ANKS3: variants seen among roughly 807,000 people sequenced by gnomAD.
The protein encoded by ANKS3 is ankyrin repeat and SAM domain-containing protein 3.
In ANKS3, 62 loss-of-function variants were observed where a neutral mutation model predicts 80.7. The observed-to-expected ratio is 0.77, with a 90% confidence interval of 0.63 to 0.95. ANKS3 has a LOEUF of 0.95. ANKS3 is among the 40% of genes least tolerant of loss of function. The pLI is 0.00. For missense variants in ANKS3, 1,150 were observed against 883.6 expected (o/e 1.30, Z -3.82); for synonymous variants, 489 against 355.3 (o/e 1.38, Z -4.23).
Position 4,724,809 on chromosome 16 carries a change from G to A in ANKS3, c.514C>T (p.Pro172Ser). 1 of 1,614,090 alleles carries A rather than the reference G, an allele frequency of 6.2e-7. No homozygotes were observed. Among genetic ancestry groups the A allele is most frequent in the South Asian group, 1.1e-5 (1 of 91,054 alleles). The change falls in exon 6 of 18, where the codon CCC becomes TCC. Residue 172 changes from proline to serine, a missense_variant. Coordinates refer to ENST00000304283, the MANE Select transcript of ANKS3 (RefSeq NM_133450.4). ...CCAGCAGCAGCTGCTTCCATCAAGG[G>A]AGTAAATCCACATATCGGCTCCCTG... ...NVREPICGFT[P>S]LMEAAAAGHE... is the part of the protein sequence containing the mutation.
intron 14 of ANKS3, 38 bp from the exon 15 acceptor site, chr16:4,698,100 G>A (rs2079677790): frequency 1.3e-6 from 2 of 1,558,174 alleles, no homozygotes; most frequent in Non-Finnish European, 1.7e-6. Context: ...GAGAGCAGAG[G>A]CCTGGCCGCT....
intron 7 of ANKS3, among the ~76,000 whole-genome samples, chr16:4,708,789 T>C (rs1438907922): frequency 1.3e-5 from 2 of 150,934 alleles, no homozygotes; most frequent in Non-Finnish European, 3.0e-5. Flanking sequence ...AAAAAAAAAA[T>C]TAGCCAGGTG....
intron 10 of ANKS3, 109 bp downstream of exon 10, chr16:4,701,325 C>T (rs1172273682): frequency 1.2e-5 from 15 of 1,302,672 alleles, no homozygotes; most frequent in Middle Eastern, 2.7e-4. Flanking sequence ...GCAGCACACA[C>T]GTGCAGCAGC....
intron 7 of ANKS3, among the ~76,000 whole-genome samples, chr16:4,709,215 T>C (rs2080359935): frequency 6.6e-6 from 1 of 152,008 alleles, no homozygotes; most frequent in South Asian, 2.1e-4. Context: ...GAGACCACCC[T>C]GACCAACATG....
At chr16:4,698,729 C>T (rs1157840095) in intron 13 of ANKS3, 71 bp downstream of exon 13, 13 of 1,552,616 alleles carry the variant, frequency 8.4e-6, no homozygotes, top group Non-Finnish European at 1.1e-5. Flanking sequence ...ACAGCACCCA[C>T]CTTTTCTGTC....
intron 6 of ANKS3, among the ~76,000 whole-genome samples, chr16:4,717,967 G>A (rs1161433247): frequency 6.6e-6 from 1 of 152,054 alleles, no homozygotes; most frequent in East Asian, 1.9e-4. Context: ...CGCTAATGGG[G>A]TTTCACCATG....
chr16:4,707,340 G>A (rs1204537038), intron 7 of ANKS3, among the ~76,000 whole-genome samples: 1 of 148,406 alleles, frequency 6.7e-6, no homozygotes, highest in East Asian at 2.0e-4. Context: ...GGAGTGCAGT[G>A]GCACAATCTC....
intron 7 of ANKS3, among the ~76,000 whole-genome samples, chr16:4,705,550 C>G (rs1391137682): frequency 6.6e-6 from 1 of 152,206 alleles, no homozygotes; most frequent in Non-Finnish European, 1.5e-5. Context: ...CTGCAACCTC[C>G]GCCTCCTGGG....
rs1354102118 is a variant in ANKS3, at chr16:4,698,363, G to A, written c.1724+64C>T. ...CAAAATCAGGAGGAAAGGATGTGTG[G>A]GGGCCCAGGGGCCAGGTGGCTGACC... On this transcript the variant is annotated intron_variant, in intron 14 of 17. Coordinates refer to ENST00000304283, the MANE Select transcript of ANKS3 (RefSeq NM_133450.4). 15 of 1,432,228 alleles carry A rather than the reference G, an allele frequency of 1.0e-5. No individual in the cohort carries two copies. In the Admixed American group the frequency reaches 3.7e-4, roughly 36 times the overall value. 88.7% of individuals were successfully genotyped at this position (1,432,228 alleles called of 1,614,324 possible).
chr16:4,729,824 A>C (rs922713820), intron 3 of ANKS3, 156 bp downstream of exon 3: 1 of 715,916 alleles, frequency 1.4e-6, no homozygotes, highest in Non-Finnish European at 2.0e-6. Context: ...GTCAGGGCTC[A>C]GCATCAATAC....
Position 4,698,872 on chromosome 16 carries a change from C to A in ANKS3, c.1479G>T (p.Gly493=), listed in dbSNP as rs2079740032. 1.2e-6 allele frequency: 2 copies of A among 1,601,654 alleles called. No individual in the cohort carries two copies. The highest frequency in any genetic ancestry group is 4.5e-5 in the East Asian group (2 of 44,794). The change falls in exon 13 of 18, where the codon GGG becomes GGT. Residue 493 remains glycine (G), a synonymous_variant. Transcript: ENST00000304283. Reference sequence around the variant, plus strand: ...CGGCGTAGGCCAGCTCCAGGGCATCCCCGGGTGGGCGGGCACTGCTGTGCC... The same window carrying A: ...CGGCGTAGGCCAGCTCCAGGGCATCACCGGGTGGGCGGGCACTGCTGTGCC... The part of the protein sequence containing the change: ...ARWHSSARPP[G]DALELAYADR...
chr16:4,732,342 C>T (rs887692370), intron 1 of ANKS3, among the ~76,000 whole-genome samples: 1 of 152,134 alleles, frequency 6.6e-6, no homozygotes, highest in Non-Finnish European at 1.5e-5. Flanking sequence ...CTGGGCATGT[C>T]TCTTCCACGC....
At position 4,701,091 on chromosome 16, in the gene ANKS3, T is replaced by G; in HGVS notation, c.1163A>C (p.Lys388Thr). ...AGGATTCTTGGTCTTCATGTAACTT[T>G]TAGCTTGTTTGCGAGCTGAGCTTTT... Reference protein sequence around the residue: ...ACKSSARKQAKSYMKTKNPDS... With the variant: ...ACKSSARKQATSYMKTKNPDS... The change falls in exon 11 of 18, where the codon AAA becomes ACA. Residue 388 changes from lysine (K) to threonine (T), a missense_variant. Transcript: ENST00000304283. 6.2e-7 allele frequency: 1 copy of G among 1,614,040 alleles called. No individual in the cohort carries two copies. Among genetic ancestry groups the G allele is most frequent in the Non-Finnish European group, 8.5e-7 (1 of 1,180,022 alleles).
At chr16:4,709,903 C>T (rs563492565) in intron 7 of ANKS3, among the ~76,000 whole-genome samples, 23 of 151,288 alleles carry the variant, frequency 1.5e-4, no homozygotes, top group Non-Finnish European at 2.5e-4. Flanking sequence ...GCCAGCTACT[C>T]GGGAGGCTGA....
Position 4,697,978 on chromosome 16 carries a change from A to G in ANKS3, c.1809T>C (p.Ala603=), listed in dbSNP as rs1213223935. 1.3e-6 allele frequency: 2 copies of G among 1,589,018 alleles called. No homozygotes were observed. The highest frequency in any genetic ancestry group is 3.5e-5 in the Admixed American group (2 of 57,182). Residue 603 remains alanine (A), a splice_region_variant and synonymous_variant, in exon 15 of 18, where the codon GCT becomes GCC. Transcript: ENST00000304283. The part of the protein sequence containing the change: ...AATLGLAVPP[A]DSKGWQASLQ... ...GCGGAGTCAGGCCACTGCTCTTACC[A>G]GCTGGGGGGACGGCTAGGCCCAGAG... is the stretch of plus-strand genomic sequence containing the variant.
At chr16:4,699,026 G>C (rs373370187) in intron 12 of ANKS3, 26 bp downstream of exon 12, 1 of 1,614,172 alleles carries the variant, frequency 6.2e-7, no homozygotes, top group Non-Finnish European at 8.5e-7. Flanking sequence ...CCGGGCTGAG[G>C]GCCAGAGCGG....
chr16:4,722,797 A>G (rs2081170196), intron 6 of ANKS3, among the ~76,000 whole-genome samples: 1 of 151,236 alleles, frequency 6.6e-6, no homozygotes, highest in Non-Finnish European at 1.5e-5. Flanking sequence ...GGGTGCCTGC[A>G]GTCCCAGCTA....
At chr16:4,697,233 TG>T in intron 16 of ANKS3, 99 bp downstream of exon 16, 1 of 1,532,362 alleles carries the variant, frequency 6.5e-7, no homozygotes. Flanking sequence ...AGGTCAGCCT[TG>T]GGGTAGAGAG....
intron 6 of ANKS3, among the ~76,000 whole-genome samples, chr16:4,721,177 C>T (rs1299416868): frequency 3.6e-4 from 54 of 150,356 alleles, no homozygotes; most frequent in Non-Finnish European, 7.0e-4. Flanking sequence ...TGGTGGCGGG[C>T]GCCTGTGGTC....
Sources: allele counts gnomAD v4.1 joint callset (sites outside exome capture counted in the v4.1 genomes callset), GRCh38; gene constraint gnomAD v4.1.1; transcripts MANE v1.5; gene names NCBI Gene and HGNC (gene_info 2026-07-23, HGNC 2026-07-21).